ALG1: variants seen among roughly 807,000 people sequenced by gnomAD.
ALG1 encodes ALG1 chitobiosyldiphosphodolichol beta-mannosyltransferase, also known as chitobiosyldiphosphodolichol beta-mannosyltransferase.
A neutral mutation model predicts 55.1 loss-of-function variants in ALG1; 58 were observed. That is an observed-to-expected ratio of 1.05 (90% confidence interval 0.85 to 1.31). The LOEUF (loss-of-function observed/expected upper bound fraction) is 1.31, where lower values mean the gene tolerates loss of function less well. Among genes scored for constraint, ALG1 ranks in the 50% most tolerant of loss-of-function variants. The pLI is 0.00. For synonymous variants in ALG1, 309 were observed against 247.0 expected (o/e 1.25, Z -2.35); for missense variants, 761 against 598.6 (o/e 1.27, Z -2.83).
chr16:5,084,640 G>A (rs1047803), intron 12 of ALG1, 110 bp from the exon 13 acceptor site: 1 of 1,505,814 alleles, frequency 6.6e-7, no homozygotes, highest in Non-Finnish European at 9.0e-7. Context: ...GGGAGTTAGG[G>A]ACTTGGGAGG....
At chr16:5,075,748 C>T (rs1956900765) in intron 4 of ALG1, among the ~76,000 whole-genome samples, 1 of 152,162 alleles carries the variant, frequency 6.6e-6, no homozygotes, top group Non-Finnish European at 1.5e-5. Context: ...ATGGAAGTGT[C>T]TGTGGAAATG....
intron 6 of ALG1, chr16:5,078,255 G>A: frequency 1.4e-6 from 1 of 693,700 alleles, no homozygotes; most frequent in East Asian, 2.8e-5. Flanking sequence ...CAGAGAACCT[G>A]TGGCCCGCAA....
rs1316959352 is a variant in ALG1, at chr16:5,075,383, C to T, written c.391-5C>T. 4 of 1,613,990 alleles carry T rather than the reference C, an allele frequency of 2.5e-6. No individual in the cohort carries two copies. Among genetic ancestry groups the T allele is most frequent in the African/African-American group, 1.3e-5 (1 of 74,918 alleles). On this transcript the variant is annotated splice_polypyrimidine_tract_variant and splice_region_variant and intron_variant, in intron 3 of 12. Coordinates refer to ENST00000262374, the MANE Select transcript of ALG1 (RefSeq NM_019109.5). ...TCCTCCCCTTCAAGTCTCTATCTTTCCTAGAACCCCCCAGGTCTGCCTAGC... is the reference window on the plus strand; with the variant it reads ...TCCTCCCCTTCAAGTCTCTATCTTTTCTAGAACCCCCCAGGTCTGCCTAGC...
Position 5,082,648 on chromosome 16 carries a change from C to G in ALG1, c.1162C>G (p.Pro388Ala), listed in dbSNP as rs398124349. ...KVVDMFGCCL[P>A]VCAVNFKCLH... ...GGTGGACATGTTCGGGTGCTGTTTGCCTGTGTGTGCTGTGAACTTCAAGTG... is the reference window on the plus strand; with the variant it reads ...GGTGGACATGTTCGGGTGCTGTTTGGCTGTGTGTGCTGTGAACTTCAAGTG... The change falls in exon 11 of 13, where the codon CCT (proline) becomes GCT (alanine). Residue 388 changes from proline (P) to alanine (A), a missense_variant. Coordinates refer to ENST00000262374, the MANE Select transcript of ALG1 (RefSeq NM_019109.5). 6.2e-7 allele frequency: 1 copy of G among 1,611,642 alleles called. No homozygotes were observed. The highest frequency in any genetic ancestry group is 8.5e-7 in the Non-Finnish European group (1 of 1,179,834).
intron 3 of ALG1, 150 bp from the exon 4 acceptor site, chr16:5,075,238 T>A (rs779311376): frequency 1.6e-5 from 14 of 872,468 alleles, no homozygotes; most frequent in Non-Finnish European, 2.7e-5. Context: ...TACATCTATT[T>A]TGGTGGTGGA....
Position 5,081,072 on chromosome 16 carries a change from G to A in ALG1, c.1072+16G>A, listed in dbSNP as rs532300190. On this transcript the variant is annotated intron_variant, in intron 10 of 12. Coordinates refer to ENST00000262374, the MANE Select transcript of ALG1 (RefSeq NM_019109.5). ...CTGCTTCTAGGTGAGAGGCCAGCAG[G>A]AGGCTCAGGGAGGAGGCGGGGGGAA... 4.4e-6 allele frequency: 7 copies of A among 1,576,352 alleles called. No individual in the cohort carries two copies. In the South Asian group the frequency reaches 7.7e-5, roughly 17 times the overall value.
intron 6 of ALG1, 29 bp downstream of exon 6, chr16:5,078,046 C>G (rs553099825): frequency 2.5e-6 from 4 of 1,594,664 alleles, no homozygotes; most frequent in African/African-American, 2.7e-5. Context: ...GCTGCCTTCT[C>G]TCCTGCTCGC....
intron 4 of ALG1, 140 bp downstream of exon 4, chr16:5,075,676 A>C: frequency 9.4e-7 from 1 of 1,062,634 alleles, no homozygotes. Context: ...AATCAGGCCG[A>C]ATGCTGGTTC....
chr16:5,078,890 C>G lies in ALG1; in HGVS notation c.862+12C>G. 6.2e-7 allele frequency: 1 copy of G among 1,610,966 alleles called. No individual in the cohort carries two copies. The highest frequency in any genetic ancestry group is 8.5e-7 in the Non-Finnish European group (1 of 1,179,474). ...CACGAGCTGGACAGGTCTGCAGGACCCCTGGGGCACTTGGGGTTGGTGTGA... is the reference window on the plus strand; with the variant it reads ...CACGAGCTGGACAGGTCTGCAGGACGCCTGGGGCACTTGGGGTTGGTGTGA... On this transcript the variant is annotated intron_variant, in intron 7 of 12. Transcript: ENST00000262374.
At position 5,073,272 on chromosome 16, in the gene ALG1, T is replaced by G; in HGVS notation, c.390+16T>G. 1 of 1,607,898 alleles carries G rather than the reference T, an allele frequency of 6.2e-7. No homozygotes were observed. The highest frequency in any genetic ancestry group is 1.1e-5 in the South Asian group (1 of 90,934). ...CTTTCTCCAGGTGTGTATCAGCCTC[T>G]GCCTCCCTCTGTGAGAGCCATGTTA... On this transcript the variant is annotated intron_variant, in intron 3 of 12. Transcript: ENST00000262374.
At position 5,078,264 on chromosome 16, in the gene ALG1, A is replaced by C. The variant is rs973213828; in HGVS notation, c.740+247A>C. 4.4e-6 allele frequency: 3 copies of C among 686,500 alleles called. No individual in the cohort carries two copies. The African/African-American group carries it at 5.3e-5, about 12-fold the overall frequency. The allele number at this position is 686,500 out of a possible 1,614,324, so 42.5% of individuals were successfully genotyped here. ...TTGCAACAGAGAACCTGTGGCCCGC[A>C]AAGCCTGAAGTATTTACTCTCTGGC... is the stretch of plus-strand genomic sequence containing the variant. On this transcript the variant is annotated intron_variant, in intron 6 of 12. Transcript: ENST00000262374.
chr16:5,085,658 T>C lies in ALG1; in HGVS notation c.*777T>C, dbSNP rs201345819. The stretch of plus-strand genomic sequence containing the variant: ...TACAGGGTGAGATTCAGCATTGCCA[T>C]CTCCAAGTGCTCTTCGTAGGGAAAC... On this transcript the variant is annotated 3_prime_UTR_variant, in exon 13 of 13. Transcript: ENST00000262374. The C allele has an allele frequency of 1.9e-4, 301 of 1,611,016 alleles. 1 individual carries two copies. Among genetic ancestry groups the C allele is most frequent in the Non-Finnish European group, 2.5e-4 (291 of 1,179,146 alleles).
At position 5,079,001 on chromosome 16, in the gene ALG1, G is replaced by T. The variant is rs1157446720; in HGVS notation, c.863-63G>T. 1.0e-5 allele frequency: 16 copies of T among 1,600,134 alleles called. No homozygotes were observed. The African/African-American group carries it at 1.6e-4, about 16-fold the overall frequency. On this transcript the variant is annotated intron_variant, in intron 7 of 12. Coordinates refer to ENST00000262374, the MANE Select transcript of ALG1 (RefSeq NM_019109.5). ...CCACGGTCTCAATGAGAACGGGAGGGCCTGTGAGCTGGAAGAGGGGTGTCT... is the reference window on the plus strand; with the variant it reads ...CCACGGTCTCAATGAGAACGGGAGGTCCTGTGAGCTGGAAGAGGGGTGTCT...
chr16:5,075,973 C>G lies in ALG1; in HGVS notation c.539+437C>G, dbSNP rs766435901. ...AAGTGCTCCAGCAGAAGAGCTGGGT[C>G]TCAGGAGCATCCATATCTCATGGAC... On this transcript the variant is annotated intron_variant, in intron 4 of 12. Transcript: ENST00000262374. 3.9e-5 allele frequency among the ~76,000 whole-genome samples: 6 copies of G among 152,320 alleles called. No homozygotes were observed. In the South Asian group the frequency reaches 6.2e-4, roughly 16 times the overall value.
intron 3 of ALG1, among the ~76,000 whole-genome samples, chr16:5,073,703 C>A (rs55769963): frequency 6.6e-6 from 1 of 152,220 alleles, no homozygotes; most frequent in Non-Finnish European, 1.5e-5. Flanking sequence ...CGCATACGCG[C>A]GCACACACAA....
intron 3 of ALG1, among the ~76,000 whole-genome samples, chr16:5,075,143 A>T (rs1221987236): frequency 6.6e-6 from 1 of 152,020 alleles, no homozygotes; most frequent in Non-Finnish European, 1.5e-5. Context: ...GGCTCAAATG[A>T]TCCTCCTGCC....
In ALG1 at chr16:5,086,152, A is replaced by G. The variant is rs899391905; in HGVS notation, c.*1271A>G. The stretch of plus-strand genomic sequence containing the variant: ...GGAGTTCGAGACCAGCCTGGCCAAC[A>G]TGGTGAAATCCCATCTCTACAAAAA... On this transcript the variant is annotated 3_prime_UTR_variant, in exon 13 of 13. Transcript: ENST00000262374. 9.2e-5 allele frequency among the ~76,000 whole-genome samples: 14 copies of G among 152,160 alleles called. No homozygotes were observed. The highest frequency in any genetic ancestry group is 1.5e-4 in the Non-Finnish European group (10 of 68,020).
In ALG1 at chr16:5,077,925, C is replaced by T. The variant is rs141455029; in HGVS notation, c.648C>T (p.Asp216=). The T allele has an allele frequency of 1.1e-4, 170 of 1,608,012 alleles. No homozygotes were observed. The highest frequency in any genetic ancestry group is 1.4e-4 in the Non-Finnish European group (162 of 1,179,848). The change falls in exon 6 of 13, where the codon GAC becomes GAT. Residue 216 remains aspartate (D), a synonymous_variant. Transcript: ENST00000262374. ...NWHIRAVTVY[D]KPASFFKETP... ...ATTGCAGGGCTGTGACCGTCTACGA[C>T]AAGCCCGCATCTTTCTTTAAAGAGA...
At chr16:5,081,683 C>T (rs1172713337) in intron 10 of ALG1, among the ~76,000 whole-genome samples, 11 of 152,182 alleles carry the variant, frequency 7.2e-5, no homozygotes, top group Non-Finnish European at 1.2e-4. Context: ...CTCAGCCTCC[C>T]GAGTAGATTA....
Sources: gnomAD v4.1 joint callset for allele counts (sites outside exome capture counted in the v4.1 genomes callset) on GRCh38, gnomAD v4.1.1 for gene constraint, MANE v1.5 for transcripts, NCBI Gene and HGNC (gene_info 2026-07-23, HGNC 2026-07-21) for gene names.